MPP2: variants seen among roughly 807,000 people sequenced by gnomAD.
MPP2 encodes MAGUK p55 scaffold protein 2.
MPP2 carries 42 observed loss-of-function variants against 58.5 expected under a neutral mutation model. That is an observed-to-expected ratio of 0.72 (90% CI 0.56 to 0.93). MPP2 has a LOEUF of 0.93. MPP2 is among the 40% of genes least tolerant of loss of function. MPP2 has a pLI of 0.00. For synonymous variants in MPP2, 300 were observed against 307.8 expected (o/e 0.97, Z 0.26); for missense variants, 632 against 760.4 (o/e 0.83, Z 1.99).
intron 3 of MPP2, among the ~76,000 whole-genome samples, chr17:43,889,297 T>C (rs1005020243): frequency 2.0e-5 from 3 of 151,946 alleles, no homozygotes; most frequent in African/African-American, 4.8e-5. Flanking sequence ...AACAAAGCTC[T>C]TGTCAATATC....
At chr17:43,907,912 C>T (rs1304051236), upstream of MPP2, 12 of 985,264 alleles carry the variant, frequency 1.2e-5, no homozygotes, top group Non-Finnish European at 1.4e-5. Flanking sequence ...CACTTTTCCT[C>T]GTTATCCTGC....
At chr17:43,894,166 C>T (rs185237289) in intron 3 of MPP2, among the ~76,000 whole-genome samples, 2 of 151,338 alleles carry the variant, frequency 1.3e-5, no homozygotes, top group Admixed American at 1.3e-4. Flanking sequence ...CACCTATAAT[C>T]CCATCACTTT....
chr17:43,875,973 G>A lies in MPP2; in HGVS notation c.*1834C>T, dbSNP rs2046812791. The A allele has an allele frequency of 6.6e-6, 1 of 152,196 alleles. No individual in the cohort carries two copies. Among genetic ancestry groups the A allele is most frequent in the Admixed American group, 6.5e-5 (1 of 15,286 alleles). 9.4% of individuals were successfully genotyped at this position (152,196 alleles called of 1,614,324 possible). A position where few individuals can be genotyped will look rare whatever the true frequency, so the allele number is the denominator to read the frequency against. ...TTCCTTCCCACTCCCTTAGGCTGAG[G>A]GTGATGCAAGGCAGAGCTGAATCAG... On this transcript the variant is annotated 3_prime_UTR_variant, in exon 13 of 13. Coordinates refer to ENST00000269095, the MANE Select transcript of MPP2 (RefSeq NM_005374.5).
Position 43,880,791 on chromosome 17 carries a change from C to A in MPP2, c.1050G>T (p.Arg350=), listed in dbSNP as rs1251821909. ...EEVARMPPFR[R]KTLVLIGAQG... ...GAGCCCCAATCAGTACCAGGGTTTT[C>A]CGGCGGAACGGGGGCATGCGGGCCA... Residue 350 remains arginine, a synonymous_variant, in exon 10 of 13, where the codon CGG becomes CGT. Coordinates refer to ENST00000269095, the MANE Select transcript of MPP2 (RefSeq NM_005374.5). The surrounding 1 kb of genome is among the most constrained non-coding windows in gnomAD (Gnocchi z 5.2). The A allele has an allele frequency of 6.2e-7, 1 of 1,613,734 alleles. No individual in the cohort carries two copies. Among genetic ancestry groups the A allele is most frequent in the Non-Finnish European group, 8.5e-7 (1 of 1,179,736 alleles).
Position 43,882,887 on chromosome 17 carries a change from C to T in MPP2, c.453+16G>A. The stretch of plus-strand genomic sequence containing the variant: ...CACCCTCACCAGCACCACCTCTGGC[C>T]CTGCCCAGTCCTCACCAGATGTTCT... On this transcript the variant is annotated intron_variant, in intron 5 of 12. Transcript: ENST00000269095. 1 of 1,613,774 alleles carries T rather than the reference C, an allele frequency of 6.2e-7. No homozygotes were observed. Among genetic ancestry groups the T allele is most frequent in the Non-Finnish European group, 8.5e-7 (1 of 1,180,002 alleles).
intron 3 of MPP2, among the ~76,000 whole-genome samples, chr17:43,894,418 A>AATATAT (rs1382579250): frequency 0.016 from 1,264 of 76,970 alleles, 15 homozygotes; most frequent in Non-Finnish European, 0.026. Flanking sequence ...TCCATCTCAA[A>AATATAT]ATATATATAT....
intron 2 of MPP2, among the ~76,000 whole-genome samples, chr17:43,903,753 A>T (rs896004875): frequency 2.0e-5 from 3 of 152,198 alleles, no homozygotes; most frequent in Non-Finnish European, 2.9e-5. Flanking sequence ...ACTATTCCTA[A>T]AAGTAATGTG....
chr17:43,891,509 C>A (rs867158515), intron 3 of MPP2, among the ~76,000 whole-genome samples: 2 of 149,964 alleles, frequency 1.3e-5, no homozygotes, highest in African/African-American at 2.5e-5. Context: ...AGCAAGACTC[C>A]GTCTCAAAAA....
chr17:43,879,477 T>C lies in MPP2; in HGVS notation c.1354-74A>G. The C allele has an allele frequency of 1.9e-6, 3 of 1,583,540 alleles. No homozygotes were observed. The highest frequency in any genetic ancestry group is 2.6e-6 in the Non-Finnish European group (3 of 1,158,326). On this transcript the variant is annotated intron_variant, in intron 11 of 12. Transcript: ENST00000269095. The surrounding 1 kb of genome is among the most constrained non-coding windows in gnomAD (Gnocchi z 4.1). Reference sequence around the variant, plus strand: ...AGGAACCAGAGAAAGGCTGTGAGGGTAACTGGGGTTGGGGTGAGCACTTGG... The same window carrying C: ...AGGAACCAGAGAAAGGCTGTGAGGGCAACTGGGGTTGGGGTGAGCACTTGG...
intron 1 of MPP2, chr17:43,906,125 A>G (rs996092067): frequency 1.0e-6 from 1 of 984,874 alleles, no homozygotes; most frequent in African/African-American, 1.7e-5. Flanking sequence ...ACAGGGTCAG[A>G]GAAGGGACTC....
At chr17:43,904,348 C>T in intron 2 of MPP2, 82 bp downstream of exon 2, 1 of 1,332,682 alleles carries the variant, frequency 7.5e-7, no homozygotes, top group Middle Eastern at 1.8e-4. Context: ...TTATCTGGAG[C>T]TGTGCAAGTG....
chr17:43,881,076 G>T lies in MPP2; in HGVS notation c.988+14C>A. On this transcript the variant is annotated intron_variant, in intron 9 of 12. Transcript: ENST00000269095. The stretch of plus-strand genomic sequence containing the variant: ...GTTAGAGGAGGGTAAGGGAGGGGGC[G>T]CTCTGATACCCACCTGCATTCTTGG... 1 of 1,613,492 alleles carries T rather than the reference G, an allele frequency of 6.2e-7. No homozygotes were observed. The highest frequency in any genetic ancestry group is 1.1e-5 in the South Asian group (1 of 91,038).
intron 1 of MPP2, chr17:43,907,149 A>C (rs425135): frequency 0.85 from 837,122 of 983,376 alleles, 357,811 homozygotes; most frequent in East Asian, 1. Flanking sequence ...GCTTCTAAGT[A>C]CCCCCAACCC....
intron 1 of MPP2, 86 bp from the exon 2 acceptor site, chr17:43,904,579 C>A: frequency 1.6e-6 from 2 of 1,213,916 alleles, no homozygotes; most frequent in East Asian, 2.4e-5. Flanking sequence ...TCAGGACGAG[C>A]CAGAAAGGTA....
intron 3 of MPP2, among the ~76,000 whole-genome samples, chr17:43,886,858 A>C (rs978256526): frequency 6.6e-6 from 1 of 152,142 alleles, no homozygotes; most frequent in Non-Finnish European, 1.5e-5. Flanking sequence ...GACCATCTGT[A>C]TATCTTTTTC....
chr17:43,894,440 T>C (rs1200696862), intron 3 of MPP2, among the ~76,000 whole-genome samples: 1 of 23,440 alleles, frequency 4.3e-5, no homozygotes, highest in African/African-American at 8.1e-5. Flanking sequence ...TATATATATA[T>C]ATATACACAC....
Position 43,881,712 on chromosome 17 carries a change from G to A in MPP2, c.682-123C>T, listed in dbSNP as rs2047132725. 3.1e-6 allele frequency: 4 copies of A among 1,292,512 alleles called. No individual in the cohort carries two copies. In the East Asian group the frequency reaches 7.6e-5, roughly 24 times the overall value. 80.1% of individuals were successfully genotyped at this position (1,292,512 alleles called of 1,614,324 possible). A position where few individuals can be genotyped will look rare whatever the true frequency, so the allele number is the denominator to read the frequency against. On this transcript the variant is annotated intron_variant, in intron 6 of 12. Transcript: ENST00000269095. ...GCAATGGAACTGTCCCCCTGCAGGA[G>A]TGATGCCTCCAGGCCTGCCCATGCT...
Position 43,879,510 on chromosome 17 carries a change from TGAGAA to T in MPP2, c.1354-112_1354-108del. 7.0e-7 allele frequency: 1 copy of T among 1,430,694 alleles called. No homozygotes were observed. The highest frequency in any genetic ancestry group is 1.3e-5 in the South Asian group (1 of 79,490). The allele number at this position is 1,430,694 out of a possible 1,614,324, so 88.6% of individuals were successfully genotyped here. A position where few individuals can be genotyped will look rare whatever the true frequency, so the allele number is the denominator to read the frequency against. On this transcript the variant is annotated intron_variant, in intron 11 of 12. Transcript: ENST00000269095. The surrounding 1 kb of genome is among the most constrained non-coding windows in gnomAD (Gnocchi z 4.1). ...GTTGGGGTGAGCACTTGGGAGTGGA[TGAGAA>T]AAGGGTGCCCGGGGGTCTGGGACAT... is the stretch of plus-strand genomic sequence containing the variant.
At chr17:43,908,313 G>T (rs1404969176), upstream of MPP2, among the ~76,000 whole-genome samples, 1 of 152,216 alleles carries the variant, frequency 6.6e-6, no homozygotes, top group Non-Finnish European at 1.5e-5. Context: ...TGTGCAGTGC[G>T]ACTAGCATTT....
Sources: allele counts gnomAD v4.1 joint callset (sites outside exome capture counted in the v4.1 genomes callset), GRCh38; gene constraint gnomAD v4.1.1; non-coding constraint Gnocchi (gnomAD v3.1); transcripts MANE v1.5; gene names NCBI Gene and HGNC (gene_info 2026-07-23, HGNC 2026-07-21).